ACADL: variants seen among roughly 807,000 people sequenced by gnomAD.
The protein encoded by ACADL is acyl-CoA dehydrogenase long chain.
In ACADL, 60 loss-of-function variants were observed where a neutral mutation model predicts 56.9. The ratio of observed to expected loss-of-function variants is 1.05; its 90% CI spans 0.86 to 1.31. The LOEUF is 1.31. Among genes scored for constraint, ACADL ranks in the 50% most tolerant of loss-of-function variants. The pLI, the probability that ACADL is intolerant of heterozygous loss-of-function variation, is 0.00. For missense variants in ACADL, 484 were observed against 525.5 expected, an observed-to-expected ratio of 0.92 and a Z score of 0.77; for synonymous variants, 158 against 179.7, an observed-to-expected ratio of 0.88 and a Z score of 0.97.
chr2:210,218,394 C>T, intron 2 of ACADL: 1 of 347,560 alleles, frequency 2.9e-6, no homozygotes, highest in South Asian at 2.9e-5. Flanking sequence ...AATCCTCCCA[C>T]CTCAGCCTCT....
chr2:210,214,113 C>T (rs1689033735), intron 4 of ACADL, among the ~76,000 whole-genome samples: 1 of 152,052 alleles, frequency 6.6e-6, no homozygotes, highest in African/African-American at 2.4e-5. Context: ...ATGAAGCTTT[C>T]CTCCATGGAA....
chr2:210,220,921 G>A (rs1226004387), intron 1 of ACADL, 119 bp from the exon 2 acceptor site: 28 of 832,046 alleles, frequency 3.4e-5, no homozygotes, highest in Admixed American at 5.1e-5. Context: ...CAAGTAGAAA[G>A]AGTTTGAATT....
chr2:210,209,648 C>T (rs1688946807), intron 5 of ACADL: 2 of 152,760 alleles, frequency 1.3e-5, no homozygotes, highest in South Asian at 2.1e-4. Context: ...AAGGGCACAC[C>T]ACCATGCCCA....
chr2:210,220,226 G>A (rs1035232168), intron 2 of ACADL, among the ~76,000 whole-genome samples: 2 of 152,036 alleles, frequency 1.3e-5, no homozygotes, highest in Admixed American at 1.3e-4. Context: ...TAAGTTTCTG[G>A]TCAATAAAAT....
At chr2:210,217,342 TC>T (rs2125717267) in intron 3 of ACADL, 1 of 152,272 alleles carries the variant, frequency 6.6e-6, no homozygotes, top group East Asian at 1.9e-4. Flanking sequence ...ACCTTTTTAA[TC>T]CCCCCAAAAT....
intron 4 of ACADL, among the ~76,000 whole-genome samples, chr2:210,212,832 G>T (rs1334448468): frequency 6.6e-6 from 1 of 152,172 alleles, no homozygotes; most frequent in Non-Finnish European, 1.5e-5. Flanking sequence ...TTATTAAAAT[G>T]CCAAGTATAC....
chr2:210,209,021 A>C (rs1205416908), intron 5 of ACADL, among the ~76,000 whole-genome samples: 1 of 151,902 alleles, frequency 6.6e-6, no homozygotes, highest in Non-Finnish European at 1.5e-5. Context: ...CAAATATCCC[A>C]CTCCCCTTTC....
chr2:210,218,285 C>CTTTTT lies in ACADL; in HGVS notation c.234-188_234-184dup, dbSNP rs35116912. The stretch of plus-strand genomic sequence containing the variant: ...TCACTTCTGTTCCTCCTTTTTTCTG[C>CTTTTT]TTTTTTTTTTTTTTTTTTTTGAGAC... On this transcript the variant is annotated intron_variant, in intron 2 of 10. Coordinates refer to ENST00000233710, the MANE Select transcript of ACADL (RefSeq NM_001608.4). Among the ~76,000 whole-genome samples, 102 of 95,360 alleles carry CTTTTT rather than the reference C, an allele frequency of 1.1e-3. 2 individuals carry two copies. The highest frequency in any genetic ancestry group is 1.6e-3 in the East Asian group (5 of 3,122). 62.6% of individuals were successfully genotyped at this position (95,360 alleles called of 152,430 possible).
At chr2:210,211,921 C>A (rs1688989076) in intron 4 of ACADL, among the ~76,000 whole-genome samples, 1 of 151,756 alleles carries the variant, frequency 6.6e-6, no homozygotes, top group African/African-American at 2.4e-5. Flanking sequence ...ACCTCTGCCT[C>A]CCCAGTTCAA....
At chr2:210,197,056 A>AATGGGAGTGT (rs1254683037) in intron 8 of ACADL, among the ~76,000 whole-genome samples, 13 of 152,192 alleles carry the variant, frequency 8.5e-5, no homozygotes, top group African/African-American at 1.7e-4. Flanking sequence ...AAAAGAGTAG[A>AATGGGAGTGT]ATGGGAGTGT....
chr2:210,222,178 A>G (rs978522451), intron 1 of ACADL, among the ~76,000 whole-genome samples: 2 of 152,234 alleles, frequency 1.3e-5, no homozygotes, highest in African/African-American at 2.4e-5. Flanking sequence ...AAGGACTAAG[A>G]TGAGGACAAA....
chr2:210,218,285 C>CTTTTTTTTTT lies in ACADL; in HGVS notation c.234-193_234-184dup, dbSNP rs35116912. 7.3e-5 allele frequency among the ~76,000 whole-genome samples: 7 copies of CTTTTTTTTTT among 95,370 alleles called. 1 individual carries two copies. Among genetic ancestry groups the CTTTTTTTTTT allele is most frequent in the Non-Finnish European group, 9.4e-5 (5 of 53,026 alleles). 62.6% of individuals were successfully genotyped at this position (95,370 alleles called of 152,430 possible). Reference sequence around the variant, plus strand: ...TCACTTCTGTTCCTCCTTTTTTCTGCTTTTTTTTTTTTTTTTTTTTGAGAC... The same window carrying CTTTTTTTTTT: ...TCACTTCTGTTCCTCCTTTTTTCTGCTTTTTTTTTTTTTTTTTTTTTTTTTTTTTTGAGAC... On this transcript the variant is annotated intron_variant, in intron 2 of 10. Transcript: ENST00000233710.
chr2:210,213,570 T>C (rs904312807), intron 4 of ACADL, among the ~76,000 whole-genome samples: 1 of 152,132 alleles, frequency 6.6e-6, no homozygotes, highest in Admixed American at 6.5e-5. Context: ...AGTTTGTAAA[T>C]TTTTCCTAAA....
In ACADL at chr2:210,195,310, T is replaced by C; in HGVS notation, c.1013A>G (p.Lys338Arg). The change falls in exon 9 of 11, where the codon AAA becomes AGA. Residue 338 changes from lysine to arginine, a missense_variant. Physicochemically the swap from Lys to Arg is conservative, Grantham distance 26. Coordinates refer to ENST00000233710, the MANE Select transcript of ACADL (RefSeq NM_001608.4). ...TGCTCGGGTTACACATATATGTGTT[T>C]TTAATTCTGCTAATTTATGTTGCAC... ...QTVQHKLAEL[K>R]THICVTRAFV... is the part of the protein sequence containing the mutation. 2.5e-6 allele frequency: 4 copies of C among 1,612,978 alleles called. No individual in the cohort carries two copies. Among genetic ancestry groups the C allele is most frequent in the Non-Finnish European group, 2.5e-6 (3 of 1,178,984 alleles).
At chr2:210,210,586 C>T (rs1216165763) in intron 4 of ACADL, among the ~76,000 whole-genome samples, 5 of 152,280 alleles carry the variant, frequency 3.3e-5, no homozygotes, top group African/African-American at 9.6e-5. Flanking sequence ...CCTGAGATTA[C>T]GTGTCACCAT....
chr2:210,204,753 G>A, intron 6 of ACADL, 71 bp from the exon 7 acceptor site: 1 of 1,240,502 alleles, frequency 8.1e-7, no homozygotes. Flanking sequence ...GAATATTGAA[G>A]TGAATATTAT....
intron 5 of ACADL, among the ~76,000 whole-genome samples, chr2:210,207,997 A>G (rs1448636135): frequency 6.6e-6 from 1 of 152,226 alleles, no homozygotes; most frequent in Non-Finnish European, 1.5e-5. Context: ...TATTTTTTCA[A>G]CAGTATTGCT....
intron 6 of ACADL, among the ~76,000 whole-genome samples, chr2:210,205,238 C>T (rs1688863844): frequency 6.6e-6 from 1 of 152,092 alleles, no homozygotes; most frequent in Non-Finnish European, 1.5e-5. Flanking sequence ...ATTGACCAGG[C>T]TGGTCTTGAA....
chr2:210,224,970 C>T, intron 1 of ACADL: 3 of 1,379,552 alleles, frequency 2.2e-6, no homozygotes, highest in South Asian at 1.6e-5. Context: ...GTTCTCGGGG[C>T]GGCACGGCTG....
Sources: allele counts gnomAD v4.1 joint callset (sites outside exome capture counted in the v4.1 genomes callset), GRCh38; gene constraint gnomAD v4.1.1; transcripts MANE v1.5; gene names NCBI Gene and HGNC (gene_info 2026-07-23, HGNC 2026-07-21).